The following PXMP4 variants were observed in gnomAD, a reference collection of about 807,000 sequenced individuals.
PXMP4 encodes peroxisomal membrane protein 4, also known as 24 kDa peroxisomal intrinsic membrane protein.
A neutral mutation model predicts 21.6 loss-of-function variants in PXMP4; 16 were observed. The observed-to-expected ratio is 0.74, with a 90% confidence interval of 0.50 to 1.13. PXMP4 has a LOEUF of 1.13. PXMP4 is among the 50% of genes most tolerant of loss of function. The pLI is 0.00. For synonymous variants in PXMP4, 127 were observed against 123.8 expected (o/e 1.03, Z -0.17); for missense variants, 240 against 277.7 (o/e 0.86, Z 0.96).
intron 1 of PXMP4, among the ~76,000 whole-genome samples, chr20:33,719,147 C>T (rs906762228): frequency 3.9e-5 from 6 of 152,222 alleles, no homozygotes; most frequent in Non-Finnish European, 7.3e-5. Flanking sequence ...CCGCCTGCCT[C>T]GGCCTCCCAA....
intron 2 of PXMP4, 160 bp from the exon 3 acceptor site, chr20:33,710,913 G>C: frequency 1.5e-6 from 1 of 682,666 alleles, no homozygotes; most frequent in Non-Finnish European, 2.4e-6. Context: ...TTCAGGCCTT[G>C]ACTCAGTGCC....
chr20:33,714,039 G>C (rs1373872436), intron 2 of PXMP4, among the ~76,000 whole-genome samples: 1 of 152,238 alleles, frequency 6.6e-6, no homozygotes, highest in Non-Finnish European at 1.5e-5. Context: ...GGGGTGCTGC[G>C]TGAGCAGATG....
At chr20:33,713,270 TCA>T in intron 2 of PXMP4, among the ~76,000 whole-genome samples, 1 of 152,240 alleles carries the variant, frequency 6.6e-6, no homozygotes, top group Non-Finnish European at 1.5e-5. Context: ...TCCAGCCTCC[TCA>T]CACTTATCAA....
rs961406136 is a variant in PXMP4 at position 33,719,969 on chromosome 20, G to A, written c.113+126C>T. ...TCCCATTGCACAGATGGTGACCTCC[G>A]AGACTTAGAGACACACGAGGACTGC... On this transcript the variant is annotated intron_variant, in intron 1 of 3. Transcript: ENST00000409299. The A allele has an allele frequency of 3.4e-6, 3 of 894,448 alleles. No homozygotes were observed. The African/African-American group carries it at 5.1e-5, about 15-fold the overall frequency. The allele number at this position is 894,448 out of a possible 1,614,324, so 55.4% of individuals were successfully genotyped here. A position where few individuals can be genotyped will look rare whatever the true frequency, so the allele number is the denominator to read the frequency against.
At chr20:33,716,746 C>T (rs1476191846) in intron 1 of PXMP4, among the ~76,000 whole-genome samples, 1 of 152,076 alleles carries the variant, frequency 6.6e-6, no homozygotes, top group Non-Finnish European at 1.5e-5. Flanking sequence ...GCCAGAACAC[C>T]CCTTACCCAT....
chr20:33,707,544 T>C lies in PXMP4; in HGVS notation c.*162A>G. 1 of 1,039,894 alleles carries C rather than the reference T, an allele frequency of 9.6e-7. No individual in the cohort carries two copies. 64.4% of individuals were successfully genotyped at this position (1,039,894 alleles called of 1,614,324 possible). On this transcript the variant is annotated 3_prime_UTR_variant, in exon 4 of 4. Coordinates refer to ENST00000409299, the MANE Select transcript of PXMP4 (RefSeq NM_007238.5). ...GGCCACTTGTGCCACCATACAAAGGTACCCACTGGGATTTTAAAATCAGTG... is the reference window on the plus strand; with the variant it reads ...GGCCACTTGTGCCACCATACAAAGGCACCCACTGGGATTTTAAAATCAGTG...
intron 3 of PXMP4, among the ~76,000 whole-genome samples, chr20:33,710,099 A>C (rs1601203886): frequency 3.6e-5 from 3 of 83,880 alleles, no homozygotes; most frequent in East Asian, 3.5e-4. Flanking sequence ...CCCTTCCCCG[A>C]CTCCCACCTC....
At chr20:33,715,716 T>G (rs925801647) in intron 1 of PXMP4, among the ~76,000 whole-genome samples, 6 of 147,808 alleles carry the variant, frequency 4.1e-5, no homozygotes, top group Non-Finnish European at 9.0e-5. Context: ...CGTGAGCCAC[T>G]GTGCCCCGCC....
chr20:33,712,585 G>C (rs2018340446), intron 2 of PXMP4, among the ~76,000 whole-genome samples: 1 of 152,170 alleles, frequency 6.6e-6, no homozygotes. Flanking sequence ...GAGTAGCTGG[G>C]ACTACAGGTG....
rs772966200 is a variant in PXMP4 at position 33,707,753 on chromosome 20, C to T, written c.592G>A (p.Asp198Asn). ...YLYEDSNVWH[D>N]ISDFLVYNKS... ...TTATAGACGAGGAAGTCTGAGATGT[C>T]GTGCCATACATTGCTGTCCTCATAG... Residue 198 changes from aspartate (D) to asparagine (N), a missense_variant, in exon 4 of 4, where the codon GAC (aspartate) becomes AAC (asparagine). Coordinates refer to ENST00000409299, the MANE Select transcript of PXMP4 (RefSeq NM_007238.5). The T allele has an allele frequency of 2.4e-5, 39 of 1,613,998 alleles. No individual in the cohort carries two copies. The highest frequency in any genetic ancestry group is 3.2e-5 in the Non-Finnish European group (38 of 1,180,040).
chr20:33,712,251 A>C (rs1222841597), intron 2 of PXMP4, among the ~76,000 whole-genome samples: 2 of 152,180 alleles, frequency 1.3e-5, no homozygotes, highest in Non-Finnish European at 2.9e-5. Flanking sequence ...CCAGTTTTTA[A>C]ATGTTGGCAC....
intron 1 of PXMP4, among the ~76,000 whole-genome samples, chr20:33,719,378 G>T (rs1347386131): frequency 6.6e-6 from 1 of 152,152 alleles, no homozygotes; most frequent in Non-Finnish European, 1.5e-5. Flanking sequence ...TTGCCACTAG[G>T]ATGCCAATTC....
rs2018317420 is a variant in PXMP4 at position 33,710,692 on chromosome 20, G to A, written c.238C>T (p.Arg80Trp). 6.2e-7 allele frequency: 1 copy of A among 1,613,794 alleles called. No homozygotes were observed. Among genetic ancestry groups the A allele is most frequent in the Non-Finnish European group, 8.5e-7 (1 of 1,179,882 alleles). ...AGACCCTTGTAGGTGAACACAAACC[G>A]TGCCAGGTTCCAGGAGTGGATATAT... The part of the protein sequence containing the change: ...ATYIHSWNLA[R>W]FVFTYKGLRA... The change falls in exon 3 of 4, where the codon CGG becomes TGG. Residue 80 changes from arginine to tryptophan, a missense_variant. By Grantham distance (101) the Arg-to-Trp change is moderately radical (BLOSUM62 -3). Transcript: ENST00000409299.
intron 1 of PXMP4, among the ~76,000 whole-genome samples, chr20:33,716,105 A>G (rs1216961840): frequency 3.3e-5 from 5 of 152,012 alleles, no homozygotes; most frequent in African/African-American, 7.2e-5. Flanking sequence ...CGGCCTCCCA[A>G]AGTGCTGGGA....
At chr20:33,712,693 C>T (rs1411446371) in intron 2 of PXMP4, among the ~76,000 whole-genome samples, 1 of 152,014 alleles carries the variant, frequency 6.6e-6, no homozygotes, top group Non-Finnish European at 1.5e-5. Flanking sequence ...CGCAGTAGCG[C>T]AATCTCGGCT....
chr20:33,712,880 C>T (rs770847945), intron 2 of PXMP4, among the ~76,000 whole-genome samples: 5 of 152,168 alleles, frequency 3.3e-5, no homozygotes, highest in Admixed American at 6.5e-5. Context: ...CTGCCTGCCT[C>T]GGCTTCCCAA....
chr20:33,711,126 T>C (rs996498135), intron 2 of PXMP4, among the ~76,000 whole-genome samples: 1 of 152,214 alleles, frequency 6.6e-6, no homozygotes, highest in African/African-American at 2.4e-5. Flanking sequence ...GCTTGGCACG[T>C]AGTAGGTGCT....
chr20:33,712,724 A>G (rs2018343385), intron 2 of PXMP4, among the ~76,000 whole-genome samples: 1 of 151,706 alleles, frequency 6.6e-6, no homozygotes. Flanking sequence ...TCCGCCTCTC[A>G]GGTTCAAGCA....
intron 1 of PXMP4, among the ~76,000 whole-genome samples, chr20:33,715,400 G>C (rs956101763): frequency 6.6e-6 from 1 of 151,702 alleles, no homozygotes; most frequent in Admixed American, 6.6e-5. Flanking sequence ...CTCAAAAAGG[G>C]ATGTTAAACT....
Sources: allele counts gnomAD v4.1 joint callset (sites outside exome capture counted in the v4.1 genomes callset), GRCh38; gene constraint gnomAD v4.1.1; transcripts MANE v1.5; gene names NCBI Gene and HGNC (gene_info 2026-07-23, HGNC 2026-07-21).